Variants in BCAR3 observed in about 807,000 individuals in gnomAD.
BCAR3 encodes BCAR3 adaptor protein, NSP family member.
A neutral mutation model predicts 80.1 loss-of-function variants in BCAR3; 37 were observed. That is an observed-to-expected ratio of 0.46 (90% CI 0.36 to 0.61). The LOEUF (loss-of-function observed/expected upper bound fraction) is 0.61. Ranked by LOEUF, BCAR3 falls within the 20% of genes least tolerant of loss-of-function variation. The pLI is 0.00. For missense variants in BCAR3, 978 were observed against 1,068.2 expected (o/e 0.92, Z 1.18); for synonymous variants, 389 against 418.9 (o/e 0.93, Z 0.87).
At chr1:93,834,616 G>A (rs887366439) in intron 2 of BCAR3, among the ~76,000 whole-genome samples, 2 of 152,204 alleles carry the variant, frequency 1.3e-5, no homozygotes, top group Non-Finnish European at 2.9e-5. Context: ...TTTCAGCCTA[G>A]CCCTCATGTC....
chr1:93,816,079 T>C lies in BCAR3; in HGVS notation c.-63+29488A>G, dbSNP rs557702311. ...AGATATGCAAAAGGCCAGCTGCTAGTTGGAAAACTATACTAGAAAATTCCA... is the reference window on the plus strand; with the variant it reads ...AGATATGCAAAAGGCCAGCTGCTAGCTGGAAAACTATACTAGAAAATTCCA... On this transcript the variant is annotated intron_variant, in intron 2 of 13. Transcript: ENST00000370244. 5.3e-5 allele frequency among the ~76,000 whole-genome samples: 8 copies of C among 152,260 alleles called. No homozygotes were observed. The South Asian group carries it at 1.7e-3, about 32-fold the overall frequency.
At chr1:93,642,950 A>G (rs1009925620) in intron 2 of BCAR3, among the ~76,000 whole-genome samples, 1 of 152,186 alleles carries the variant, frequency 6.6e-6, no homozygotes, top group African/African-American at 2.4e-5. Context: ...CATATGGGCC[A>G]GGTGTGGTGG....
At chr1:93,604,447 G>A (rs1458394208) in intron 3 of BCAR3, among the ~76,000 whole-genome samples, 1 of 152,176 alleles carries the variant, frequency 6.6e-6, no homozygotes, top group Non-Finnish European at 1.5e-5. Context: ...TTAAATTTCT[G>A]TTATCCATGT....
At chr1:93,825,539 G>C (rs1353633586) in intron 2 of BCAR3, among the ~76,000 whole-genome samples, 1 of 133,770 alleles carries the variant, frequency 7.5e-6, no homozygotes, top group Non-Finnish European at 1.7e-5. Context: ...TTCTTTTGTG[G>C]AAAGGAAACA....
At chr1:93,666,195 A>C (rs192105708) in intron 2 of BCAR3, among the ~76,000 whole-genome samples, 2 of 152,324 alleles carry the variant, frequency 1.3e-5, no homozygotes, top group East Asian at 1.9e-4. Flanking sequence ...GAAAATCTGA[A>C]GTCCTTACCC....
At chr1:93,634,370 A>G (rs1675713572) in intron 3 of BCAR3, among the ~76,000 whole-genome samples, 1 of 152,100 alleles carries the variant, frequency 6.6e-6, no homozygotes, top group Non-Finnish European at 1.5e-5. Flanking sequence ...ATGATAGTGA[A>G]TAAGTCTCAT....
intron 2 of BCAR3, among the ~76,000 whole-genome samples, chr1:93,708,915 C>T (rs979866591): frequency 1.3e-5 from 2 of 152,186 alleles, no homozygotes; most frequent in African/African-American, 2.4e-5. Flanking sequence ...TTAGAGCATT[C>T]AGATGATTTC....
At chr1:93,805,589 A>G (rs376353794) in intron 2 of BCAR3, among the ~76,000 whole-genome samples, 1 of 140,612 alleles carries the variant, frequency 7.1e-6, no homozygotes, top group Non-Finnish European at 1.6e-5. Flanking sequence ...TGCCTTTAGG[A>G]CCCTCAACAA....
chr1:93,627,681 C>T (rs1570984158), intron 3 of BCAR3, among the ~76,000 whole-genome samples: 2 of 152,186 alleles, frequency 1.3e-5, no homozygotes, highest in African/African-American at 4.8e-5. Flanking sequence ...ACATGAAATG[C>T]TCATCAAGTA....
At chr1:93,647,042 G>A (rs980442169) in intron 2 of BCAR3, among the ~76,000 whole-genome samples, 2 of 152,122 alleles carry the variant, frequency 1.3e-5, no homozygotes, top group African/African-American at 4.8e-5. Flanking sequence ...AGAATTACAG[G>A]AAAACATTTT....
chr1:93,650,049 GA>G (rs111559560), intron 2 of BCAR3, among the ~76,000 whole-genome samples: 128 of 137,956 alleles, frequency 9.3e-4, no homozygotes, highest in East Asian at 1.2e-3. Context: ...CATTAATCAA[GA>G]AAAAAAAAAA....
rs1672703186 is a variant in BCAR3 at position 93,562,216 on chromosome 1, A to G, written c.*25T>C. ...TGAAGCTGGGGAAACTTGAAAAGAT[A>G]TTCTAAAGGTTCTCTGGAGAGTTAT... On this transcript the variant is annotated 3_prime_UTR_variant, in exon 12 of 12. Coordinates refer to ENST00000260502, the MANE Select transcript of BCAR3 (RefSeq NM_003567.4). The G allele has an allele frequency of 1.9e-6, 3 of 1,590,646 alleles. No homozygotes were observed. The highest frequency in any genetic ancestry group is 1.4e-5 in the African/African-American group (1 of 73,980).
upstream of BCAR3, chr1:93,847,219 G>A (rs1418583355): frequency 5.3e-6 from 1 of 189,586 alleles, no homozygotes; most frequent in African/African-American, 2.4e-5. Flanking sequence ...CCGCCGGAGA[G>A]ACCTGGTAGG....
intron 2 of BCAR3, among the ~76,000 whole-genome samples, chr1:93,665,556 C>T (rs1023586465): frequency 6.6e-6 from 1 of 152,156 alleles, no homozygotes; most frequent in African/African-American, 2.4e-5. Flanking sequence ...TCCCTTTACT[C>T]TTTACATAGA....
chr1:93,606,784 G>C (rs901764403), intron 3 of BCAR3, among the ~76,000 whole-genome samples: 2 of 152,200 alleles, frequency 1.3e-5, no homozygotes, highest in African/African-American at 4.8e-5. Context: ...AGGCAGACTA[G>C]AAAGAGAAAC....
intron 3 of BCAR3, among the ~76,000 whole-genome samples, chr1:93,628,194 C>A (rs1675507260): frequency 6.6e-6 from 1 of 152,150 alleles, no homozygotes; most frequent in South Asian, 2.1e-4. Flanking sequence ...TCTCCCACCT[C>A]ATGTCCAATC....
chr1:93,832,707 G>A (rs1654616680), intron 2 of BCAR3, among the ~76,000 whole-genome samples: 1 of 152,094 alleles, frequency 6.6e-6, no homozygotes, highest in East Asian at 1.9e-4. Flanking sequence ...GGGTATTGAT[G>A]GCCAGGCTTC....
intron 2 of BCAR3, among the ~76,000 whole-genome samples, chr1:93,706,480 T>A (rs1037147928): frequency 2.0e-5 from 3 of 152,038 alleles, no homozygotes; most frequent in African/African-American, 7.2e-5. Context: ...TACTTTTCAA[T>A]AGAGGTAGAG....
At chr1:93,845,095 ATTGT>A (rs570904759) in intron 2 of BCAR3, among the ~76,000 whole-genome samples, 24 of 152,148 alleles carry the variant, frequency 1.6e-4, no homozygotes, top group African/African-American at 5.5e-4. Flanking sequence ...TCCTTAGCAC[ATTGT>A]TTCTTTCCCA....
Sources: allele counts gnomAD v4.1 joint callset (sites outside exome capture counted in the v4.1 genomes callset), GRCh38; gene constraint gnomAD v4.1.1; transcripts MANE v1.5; gene names NCBI Gene and HGNC (gene_info 2026-07-23, HGNC 2026-07-21).